Variants in RIC1 observed in about 807,000 individuals in gnomAD.
The protein encoded by RIC1 is RIC1 partner of RAB6A GEF complex.
In RIC1, 88 loss-of-function variants were observed where a neutral mutation model predicts 169.0. That is an observed-to-expected ratio of 0.52 (90% CI 0.44 to 0.62). The LOEUF is 0.62. Among genes scored for constraint, RIC1 ranks in the 20% least tolerant of loss-of-function variants. RIC1 has a pLI of 0.00. For synonymous variants in RIC1, 790 were observed against 601.5 expected (o/e 1.31, Z -4.59); for missense variants, 1,877 against 1,725.5 (o/e 1.09, Z -1.56).
At chr9:5,754,535 C>T (rs1008926659) in intron 14 of RIC1, among the ~76,000 whole-genome samples, 2 of 152,046 alleles carry the variant, frequency 1.3e-5, no homozygotes, top group Non-Finnish European at 2.9e-5. Context: ...CCAAGACCAG[C>T]CTGGCCAACA....
downstream of RIC1, among the ~76,000 whole-genome samples, chr9:5,778,627 C>T (rs1827700719): frequency 6.6e-6 from 1 of 152,218 alleles, no homozygotes; most frequent in African/African-American, 2.4e-5. Flanking sequence ...ACATACATTG[C>T]ATCTACTGAA....
intron 21 of RIC1, among the ~76,000 whole-genome samples, chr9:5,767,187 T>C (rs1211131532): frequency 1.3e-5 from 2 of 152,244 alleles, no homozygotes; most frequent in Non-Finnish European, 2.9e-5. Flanking sequence ...CTTCTAATTA[T>C]ACTTTTTGAT....
chr9:5,656,090 TC>T (rs1268027540), intron 1 of RIC1, among the ~76,000 whole-genome samples: 4 of 151,912 alleles, frequency 2.6e-5, no homozygotes, highest in African/African-American at 9.7e-5. Context: ...CAGGATGGTC[TC>T]CATCTCCTAA....
chr9:5,672,423 G>C (rs1820160477), intron 2 of RIC1, among the ~76,000 whole-genome samples: 2 of 152,126 alleles, frequency 1.3e-5, no homozygotes, highest in African/African-American at 4.8e-5. Context: ...ATTTTTCAGA[G>C]CTAAAAATTT....
At chr9:5,756,478 T>C in intron 16 of RIC1, 106 bp downstream of exon 16, 1 of 734,670 alleles carries the variant, frequency 1.4e-6, no homozygotes, top group Non-Finnish European at 2.0e-6. Context: ...ATATTCAATC[T>C]TGTTTTTGTT....
intron 3 of RIC1, among the ~76,000 whole-genome samples, chr9:5,701,472 T>C (rs1262863802): frequency 6.6e-6 from 1 of 151,694 alleles, no homozygotes; most frequent in African/African-American, 2.4e-5. Flanking sequence ...AATTAGCTGG[T>C]GTGGTAATCC....
intron 8 of RIC1, 50 bp from the exon 9 acceptor site, chr9:5,742,819 A>T: frequency 1.4e-6 from 2 of 1,448,176 alleles, no homozygotes; most frequent in Non-Finnish European, 9.4e-7. Context: ...AAAAACAAGT[A>T]TTTCTGAAGC....
At chr9:5,718,968 A>C (rs1470997112) in intron 4 of RIC1, 2 of 152,216 alleles carry the variant, frequency 1.3e-5, no homozygotes, top group Non-Finnish European at 1.5e-5. Flanking sequence ...TTAAAATACT[A>C]AAAGACATTT....
rs371023250 is a variant in RIC1, at chr9:5,757,318, A to G, written c.1859A>G (p.Asn620Ser). ...YSIERKSDGP[N>S]TTAGIQVLQE... ...GGTTTCTTTTGTTTTTACAGTCCAA[A>G]TACTACTGCTGGTATTCAAGTTCTT... Residue 620 changes from asparagine to serine, a missense_variant, in exon 17 of 26, where the codon AAT becomes AGT. Physicochemically the swap from Asn to Ser is conservative, Grantham distance 46. Coordinates refer to ENST00000414202, the MANE Select transcript of RIC1 (RefSeq NM_020829.4). The G allele has an allele frequency of 3.1e-6, 5 of 1,613,988 alleles. No individual in the cohort carries two copies. Among genetic ancestry groups the G allele is most frequent in the Non-Finnish European group, 4.2e-6 (5 of 1,179,908 alleles).
chr9:5,659,139 AAT>A (rs1236442581), intron 2 of RIC1, among the ~76,000 whole-genome samples: 2 of 152,264 alleles, frequency 1.3e-5, no homozygotes, highest in East Asian at 3.9e-4. Context: ...GTTACAGTAC[AAT>A]ATGTTAAAGA....
At chr9:5,642,996 T>A (rs1818324736) in intron 1 of RIC1, among the ~76,000 whole-genome samples, 1 of 152,156 alleles carries the variant, frequency 6.6e-6, no homozygotes, top group Non-Finnish European at 1.5e-5. Context: ...TATGAAGGAA[T>A]ACAATAAAAA....
chr9:5,680,691 G>C (rs147720584), intron 2 of RIC1, among the ~76,000 whole-genome samples: 5,086 of 151,848 alleles, frequency 0.033, 120 homozygotes, highest in Non-Finnish European at 0.049. Flanking sequence ...GATTGGTGGT[G>C]ATATCCCCTT....
chr9:5,777,416 CAAATT>C (rs1827649252), downstream of RIC1, among the ~76,000 whole-genome samples: 1 of 140,578 alleles, frequency 7.1e-6, no homozygotes, highest in African/African-American at 2.7e-5. Context: ...AAAAAAAAAA[CAAATT>C]GAGTGGTGAG....
intron 1 of RIC1, among the ~76,000 whole-genome samples, chr9:5,636,766 A>T (rs1817990829): frequency 6.6e-6 from 1 of 152,164 alleles, no homozygotes; most frequent in Non-Finnish European, 1.5e-5. Context: ...TTCTAAATAT[A>T]AGATTATGTC....
At position 5,772,692 on chromosome 9, in the gene RIC1, T is replaced by A. The variant is rs757008097; in HGVS notation, c.3745T>A (p.Ser1249Thr). ...SLTQSELEHISMELASKGPHK... is the reference protein window; with the variant it reads ...SLTQSELEHITMELASKGPHK... ...AACTCAGTCAGAGCTGGAGCACATT[T>A]CCATGGAGTTGGCCAGTAAAGGGCC... The change falls in exon 24 of 26, where the codon TCC becomes ACC. Residue 1249 changes from serine (S) to threonine (T), a missense_variant. Transcript: ENST00000414202. The A allele has an allele frequency of 1.2e-6, 2 of 1,613,516 alleles. No homozygotes were observed. The highest frequency in any genetic ancestry group is 3.3e-5 in the Admixed American group (2 of 59,874).
At chr9:5,738,401 T>C in intron 7 of RIC1, 49 bp from the exon 8 acceptor site, 1 of 1,267,272 alleles carries the variant, frequency 7.9e-7, no homozygotes, top group African/African-American at 1.5e-5. Flanking sequence ...GCTTTTTCTA[T>C]TTGTATTTGT....
intron 3 of RIC1, among the ~76,000 whole-genome samples, chr9:5,696,830 A>C (rs920767446): frequency 1.3e-5 from 2 of 152,230 alleles, no homozygotes; most frequent in Admixed American, 1.3e-4. Flanking sequence ...TTTTCCTTTA[A>C]AGAGTATTGA....
Position 5,765,654 on chromosome 9 carries a change from A to G in RIC1, c.3001-8A>G, listed in dbSNP as rs1219804493. ...TCTAATGGTACTGCATATGGTGTGT[A>G]ATCCTAGGAACCCAGTTCAAGTGGT... On this transcript the variant is annotated splice_polypyrimidine_tract_variant and splice_region_variant and intron_variant, in intron 20 of 25. Coordinates refer to ENST00000414202, the MANE Select transcript of RIC1 (RefSeq NM_020829.4). The G allele has an allele frequency of 6.2e-7, 1 of 1,614,092 alleles. No homozygotes were observed. The highest frequency in any genetic ancestry group is 1.3e-5 in the African/African-American group (1 of 75,052).
chr9:5,640,917 T>G (rs371500675), intron 1 of RIC1, among the ~76,000 whole-genome samples: 3 of 152,138 alleles, frequency 2.0e-5, no homozygotes, highest in East Asian at 3.9e-4. Flanking sequence ...ACTTTCAACA[T>G]ATTGTGCCAC....
Sources: gnomAD v4.1 joint callset for allele counts (sites outside exome capture counted in the v4.1 genomes callset) on GRCh38, gnomAD v4.1.1 for gene constraint, MANE v1.5 for transcripts, NCBI Gene and HGNC (gene_info 2026-07-23, HGNC 2026-07-21) for gene names.